The following CCSER2 variants were observed in gnomAD, a reference collection of about 807,000 sequenced individuals.
CCSER2 encodes the protein coiled-coil serine rich protein 2.
In CCSER2, 46 loss-of-function variants were observed where a neutral mutation model predicts 92.3. The ratio of observed to expected loss-of-function variants is 0.50; its 90% CI spans 0.39 to 0.64. The LOEUF is 0.64. CCSER2 is among the 30% of genes least tolerant of loss of function. The pLI is 0.00. For missense variants in CCSER2, 1,244 were observed against 1,238.9 expected, an observed-to-expected ratio of 1.00 and a Z score of -0.06; for synonymous variants, 433 against 431.4, an observed-to-expected ratio of 1.00 and a Z score of -0.04.
At chr10:84,330,649 A>G (rs1400210052) in intron 1 of CCSER2, among the ~76,000 whole-genome samples, 1 of 152,090 alleles carries the variant, frequency 6.6e-6, no homozygotes, top group African/African-American at 2.4e-5. Context: ...AGTAGCTGGA[A>G]TTATAGGCAC....
chr10:84,427,707 C>G lies in CCSER2; in HGVS notation c.1868+1814C>G, dbSNP rs190080647. Among the ~76,000 whole-genome samples, 410 of 152,222 alleles carry G rather than the reference C, an allele frequency of 2.7e-3. 3 individuals carry two copies. The highest frequency in any genetic ancestry group is 9.1e-3 in the African/African-American group (377 of 41,522). On this transcript the variant is annotated intron_variant, in intron 5 of 9. Transcript: ENST00000372088. ...TAATCTTCCTCTCTTCTTTTCTGCC[C>G]AGACCTCCTTTTTTTCTACACCTTT...
At chr10:84,332,300 C>T (rs1220654337) in intron 1 of CCSER2, among the ~76,000 whole-genome samples, 1 of 150,676 alleles carries the variant, frequency 6.6e-6, no homozygotes, top group Non-Finnish European at 1.5e-5. Context: ...AATCTTCTCA[C>T]CAATTTTCAT....
At position 84,501,834 on chromosome 10, in the gene CCSER2, A is replaced by AAAAAT. The variant is rs1167460274; in HGVS notation, c.2326-11614_2326-11613insAAATA. On this transcript the variant is annotated intron_variant, in intron 9 of 9. Transcript: ENST00000372088. ...TTAGTCATCTAGGGAAAAAAAAAAA[A>AAAAAT]ATATATATATATATATATATATATA... Among the ~76,000 whole-genome samples, 8 of 40,174 alleles carry AAAAAT rather than the reference A, an allele frequency of 2.0e-4. 1 individual carries two copies. Among genetic ancestry groups the AAAAAT allele is most frequent in the East Asian group, 8.0e-4 (1 of 1,250 alleles). The allele number at this position is 40,174 out of a possible 152,430, so 26.4% of individuals were successfully genotyped here. A position where few individuals can be genotyped will look rare whatever the true frequency, so the allele number is the denominator to read the frequency against.
intron 9 of CCSER2, among the ~76,000 whole-genome samples, chr10:84,478,814 G>A (rs1420735284): frequency 6.6e-6 from 1 of 152,190 alleles, no homozygotes; most frequent in Non-Finnish European, 1.5e-5. Context: ...GAATCAAGGA[G>A]CTTGGTGAAG....
intron 3 of CCSER2, among the ~76,000 whole-genome samples, chr10:84,389,954 T>G (rs1414762935): frequency 6.6e-6 from 1 of 152,178 alleles, no homozygotes; most frequent in Non-Finnish European, 1.5e-5. Context: ...CTAGAGCCCT[T>G]GTTCTTTTTA....
At position 84,357,987 on chromosome 10, in the gene CCSER2, G is replaced by T. The variant is rs17096177; in HGVS notation, c.-39-13027G>T. On this transcript the variant is annotated intron_variant, in intron 1 of 9. Coordinates refer to ENST00000372088, the MANE Select transcript of CCSER2 (RefSeq NM_001284240.2). ...AATGTGGTTTAATGCATGATTTTAA[G>T]TATGATTTTCCTTTCCCATTAGGTG... Among the ~76,000 whole-genome samples the T allele has an allele frequency of 2.7e-3, 411 of 152,328 alleles. 3 individuals carry two copies. The highest frequency in any genetic ancestry group is 9.1e-3 in the African/African-American group (378 of 41,576).
rs1168456864 is a variant in CCSER2 at position 84,516,044 on chromosome 10, A to G, written c.*1777A>G. 1.3e-5 allele frequency: 2 copies of G among 152,240 alleles called. No homozygotes were observed. Among genetic ancestry groups the G allele is most frequent in the Non-Finnish European group, 2.9e-5 (2 of 68,046 alleles). 9.4% of individuals were successfully genotyped at this position (152,240 alleles called of 1,614,324 possible). A position where few individuals can be genotyped will look rare whatever the true frequency, so the allele number is the denominator to read the frequency against. On this transcript the variant is annotated 3_prime_UTR_variant, in exon 10 of 10. Coordinates refer to ENST00000372088, the MANE Select transcript of CCSER2 (RefSeq NM_001284240.2). ...GTTTTGAGCAGCTGACCAAAAATAT[A>G]TCAAACAGGATTATGGCCAAAAAGT... is the stretch of plus-strand genomic sequence containing the variant.
chr10:84,509,400 A>G (rs1849233708), intron 9 of CCSER2, among the ~76,000 whole-genome samples: 1 of 152,226 alleles, frequency 6.6e-6, no homozygotes, highest in South Asian at 2.1e-4. Flanking sequence ...AAAGCATGGT[A>G]CATGCCTGAA....
chr10:84,419,870 G>C (rs984479034), intron 4 of CCSER2, among the ~76,000 whole-genome samples: 3 of 152,186 alleles, frequency 2.0e-5, no homozygotes, highest in African/African-American at 7.2e-5. Flanking sequence ...AAGCATCACT[G>C]CTATTGAATC....
chr10:84,425,279 C>T, intron 4 of CCSER2: 1 of 443,834 alleles, frequency 2.3e-6, no homozygotes, highest in African/African-American at 2.1e-5. Flanking sequence ...TTAATTTGTG[C>T]TTCTTGAGAT....
intron 4 of CCSER2, among the ~76,000 whole-genome samples, chr10:84,418,901 C>T (rs1376982878): frequency 6.6e-6 from 1 of 152,180 alleles, no homozygotes; most frequent in East Asian, 1.9e-4. Flanking sequence ...CATGTTTCTT[C>T]ATTTTGAGAC....
chr10:84,421,782 A>G (rs1843163475), intron 4 of CCSER2, among the ~76,000 whole-genome samples: 1 of 152,252 alleles, frequency 6.6e-6, no homozygotes, highest in African/African-American at 2.4e-5. Context: ...ATGGTACATG[A>G]CACGGGATTC....
rs769241896 is a variant in CCSER2 at position 84,371,849 on chromosome 10, G to C, written c.797G>C (p.Arg266Pro). Residue 266 changes from arginine to proline, a missense_variant, in exon 2 of 10, where the codon CGG (arginine) becomes CCG (proline). By Grantham distance (103) the Arg-to-Pro change is moderately radical (BLOSUM62 -2). Coordinates refer to ENST00000372088, the MANE Select transcript of CCSER2 (RefSeq NM_001284240.2). ...NQQLSIRVPL[R>P]SSMLTRNSRQ... ...CAGCTATCCATTAGAGTGCCTCTACGGTCAAGTATGCTAACAAGAAATTCC... is the reference window on the plus strand; with the variant it reads ...CAGCTATCCATTAGAGTGCCTCTACCGTCAAGTATGCTAACAAGAAATTCC... 1 of 1,613,826 alleles carries C rather than the reference G, an allele frequency of 6.2e-7. No homozygotes were observed. The highest frequency in any genetic ancestry group is 8.5e-7 in the Non-Finnish European group (1 of 1,179,838).
chr10:84,497,377 G>A (rs1848508288), intron 9 of CCSER2, among the ~76,000 whole-genome samples: 1 of 152,230 alleles, frequency 6.6e-6, no homozygotes, highest in African/African-American at 2.4e-5. Flanking sequence ...TGTTTGATAG[G>A]CTAATAGATG....
At chr10:84,464,104 G>A (rs1044706159) in intron 7 of CCSER2, 88 bp downstream of exon 7, 2 of 660,198 alleles carry the variant, frequency 3.0e-6, no homozygotes, top group East Asian at 2.9e-5. Flanking sequence ...AATAATAAAT[G>A]TATTAATACC....
rs559410552 is a variant in CCSER2 at position 84,499,007 on chromosome 10, C to T, written c.2326-14442C>T. Among the ~76,000 whole-genome samples, 8 of 152,318 alleles carry T rather than the reference C, an allele frequency of 5.3e-5. No individual in the cohort carries two copies. The South Asian group carries it at 6.2e-4, about 12-fold the overall frequency. The stretch of plus-strand genomic sequence containing the variant: ...TTATTGAAATTAAAAAGCATGTCCA[C>T]GTAACCAGTGGCCTACATGTCACAT... On this transcript the variant is annotated intron_variant, in intron 9 of 9. Coordinates refer to ENST00000372088, the MANE Select transcript of CCSER2 (RefSeq NM_001284240.2).
intron 8 of CCSER2, 66 bp from the exon 9 acceptor site, chr10:84,477,509 C>A: frequency 1.3e-6 from 1 of 766,692 alleles, no homozygotes; most frequent in Non-Finnish European, 2.2e-6. Context: ...CCTAAAGTTT[C>A]TCTTGTGTGT....
At chr10:84,413,736 A>G (rs535954119) in intron 3 of CCSER2, among the ~76,000 whole-genome samples, 131 of 152,186 alleles carry the variant, frequency 8.6e-4, no homozygotes, top group African/African-American at 3.1e-3. Flanking sequence ...TAATATTGTC[A>G]TTGGGGTATT....
At chr10:84,391,599 A>G in intron 3 of CCSER2, 1 of 1,523,562 alleles carries the variant, frequency 6.6e-7, no homozygotes. Flanking sequence ...ATGGATATAG[A>G]GATGCAGCCT....
Sources: gnomAD v4.1 joint callset for allele counts (sites outside exome capture counted in the v4.1 genomes callset) on GRCh38, gnomAD v4.1.1 for gene constraint, MANE v1.5 for transcripts, NCBI Gene and HGNC (gene_info 2026-07-23, HGNC 2026-07-21) for gene names.